Variants in NDUFAF6 observed in about 807,000 individuals in gnomAD.
The protein encoded by NDUFAF6 is NADH dehydrogenase (ubiquinone) complex I, assembly factor 6.
In NDUFAF6, 45 loss-of-function variants were observed where a neutral mutation model predicts 40.8. That is an observed-to-expected ratio of 1.10 (90% CI 0.87 to 1.42). The LOEUF is 1.42. NDUFAF6 is among the 40% of genes most tolerant of loss of function. The pLI, the probability that NDUFAF6 is intolerant of heterozygous loss-of-function variation, is 0.00. For synonymous variants in NDUFAF6, 185 were observed against 155.9 expected (o/e 1.19, Z -1.39); for missense variants, 435 against 418.5 (o/e 1.04, Z -0.34).
chr8:95,088,727 GTTT>G (rs1322422319), intron 2 of NDUFAF6, among the ~76,000 whole-genome samples: 4,714 of 109,082 alleles, frequency 0.043, 127 homozygotes, highest in Admixed American at 0.11. Flanking sequence ...GTGTGTGTGT[GTTT>G]TCTTTTTGTT....
chr8:94,955,041 T>C (rs896969897), upstream of NDUFAF6, among the ~76,000 whole-genome samples: 5 of 152,176 alleles, frequency 3.3e-5, no homozygotes, highest in African/African-American at 1.2e-4. Flanking sequence ...TGCTCTGGAA[T>C]GGGGACAGTT....
At chr8:94,921,998 TTTTTTG>T (rs1039988688) in intron 1 of NDUFAF6, among the ~76,000 whole-genome samples, 2 of 152,010 alleles carry the variant, frequency 1.3e-5, no homozygotes, top group African/African-American at 4.8e-5. Flanking sequence ...CAATCCGTGT[TTTTTTG>T]TTTTTTTCTT....
At chr8:95,085,440 A>C (rs1256716918) in intron 2 of NDUFAF6, 1 of 152,244 alleles carries the variant, frequency 6.6e-6, no homozygotes, top group Non-Finnish European at 1.5e-5. Flanking sequence ...GGTCATAGAA[A>C]ACCTCAGCCA....
In NDUFAF6 at chr8:95,047,508, CTTTTT is replaced by C. The variant is rs373655223; in HGVS notation, c.714+396_714+400del. ...TGAGGACTTTGTTTTCTTTTCTTTT[CTTTTT>C]TTTTTTTTTTTTTTGAGACAAAGTC... On this transcript the variant is annotated intron_variant, in intron 6 of 8. Coordinates refer to ENST00000396124, the MANE Select transcript of NDUFAF6 (RefSeq NM_152416.4). Among the ~76,000 whole-genome samples, 25 of 126,420 alleles carry C rather than the reference CTTTTT, an allele frequency of 2.0e-4. No homozygotes were observed. The East Asian group carries it at 2.6e-3, about 13-fold the overall frequency. 82.9% of individuals were successfully genotyped at this position (126,420 alleles called of 152,430 possible). A position where few individuals can be genotyped will look rare whatever the true frequency, so the allele number is the denominator to read the frequency against.
intron 2 of NDUFAF6, among the ~76,000 whole-genome samples, chr8:94,947,525 T>C (rs1490229967): frequency 1.3e-5 from 2 of 152,158 alleles, no homozygotes; most frequent in African/African-American, 4.8e-5. Context: ...TCTCTGCTTG[T>C]TCCACTTATA....
intron 1 of NDUFAF6, among the ~76,000 whole-genome samples, chr8:94,931,388 C>T (rs1267655307): frequency 3.3e-5 from 5 of 151,900 alleles, no homozygotes; most frequent in Non-Finnish European, 5.9e-5. Flanking sequence ...CAATATAAGA[C>T]TCTTGAATAA....
chr8:95,016,893 C>T (rs1007734435), intron 2 of NDUFAF6, among the ~76,000 whole-genome samples: 3 of 150,968 alleles, frequency 2.0e-5, no homozygotes, highest in African/African-American at 7.3e-5. Context: ...CATCTGGTGC[C>T]TCCTCCTCCT....
rs71569104 is a variant in NDUFAF6 at position 94,964,428 on chromosome 8, C to CAAA, written c.-199+6266_-199+6268dup. Among the ~76,000 whole-genome samples, 122 of 68,962 alleles carry CAAA rather than the reference C, an allele frequency of 1.8e-3. 1 individual carries two copies. Among genetic ancestry groups the CAAA allele is most frequent in the East Asian group, 3.7e-3 (8 of 2,152 alleles). The allele number at this position is 68,962 out of a possible 152,430, so 45.2% of individuals were successfully genotyped here. A position where few individuals can be genotyped will look rare whatever the true frequency, so the allele number is the denominator to read the frequency against. On this transcript the variant is annotated intron_variant, in intron 1 of 9. Coordinates refer to the NDUFAF6 transcript ENST00000396111. ...TGGGCAACAGAGAGAGACCCTGTCT[C>CAAA]AAAAAAAAAAAAAAAAAAAGGAGGA...
At chr8:95,102,658 G>A (rs377017890) in intron 2 of NDUFAF6, among the ~76,000 whole-genome samples, 2 of 152,170 alleles carry the variant, frequency 1.3e-5, no homozygotes, top group Admixed American at 6.5e-5. Flanking sequence ...ATGGGTACCT[G>A]AGGGAGGTGC....
chr8:94,914,516 TAGTC>T (rs1321687161), intron 1 of NDUFAF6, among the ~76,000 whole-genome samples: 1 of 152,206 alleles, frequency 6.6e-6, no homozygotes, highest in African/African-American at 2.4e-5. Context: ...CACCCCAGAA[TAGTC>T]AGCCAGTTCC....
chr8:95,036,556 A>G (rs750152425), intron 3 of NDUFAF6: 15 of 1,219,618 alleles, frequency 1.2e-5, no homozygotes, highest in Non-Finnish European at 1.6e-5. Context: ...AACCTAGGTG[A>G]CTCACTAAAA....
intron 1 of NDUFAF6, among the ~76,000 whole-genome samples, chr8:94,924,529 A>G (rs1443727487): frequency 6.6e-6 from 1 of 152,226 alleles, no homozygotes; most frequent in East Asian, 1.9e-4. Flanking sequence ...AAGGAGCAAG[A>G]TAATCTTAGG....
intron 2 of NDUFAF6, among the ~76,000 whole-genome samples, chr8:94,982,961 A>G (rs1371458282): frequency 6.6e-6 from 1 of 152,232 alleles, no homozygotes; most frequent in African/African-American, 2.4e-5. Flanking sequence ...GCCCTGGAAC[A>G]TGGTAGTCCT....
chr8:95,045,598 T>G lies in NDUFAF6; in HGVS notation c.531T>G (p.Tyr177Ter). 4 of 1,613,596 alleles carry G rather than the reference T, an allele frequency of 2.5e-6. No homozygotes were observed. Among genetic ancestry groups the G allele is most frequent in the Non-Finnish European group, 3.4e-6 (4 of 1,179,724 alleles). Residue 177 changes from tyrosine to a stop codon, truncating the protein, a stop_gained, in exon 5 of 9, where the codon TAT becomes TAG. Transcript: ENST00000396124. LOFTEE classifies it high-confidence loss of function. The part of the protein sequence containing the change: ...AYRNIKELEN[Y>*]AENTQSSLLY... The stretch of plus-strand genomic sequence containing the variant: ...GTAATATCAAGGAACTGGAAAATTA[T>G]GCTGAAAACACACAGAGCTCTCTTC...
intron 8 of NDUFAF6, 96 bp from the exon 9 acceptor site, chr8:95,057,713 T>A: frequency 1.0e-6 from 1 of 976,382 alleles, no homozygotes; most frequent in Non-Finnish European, 1.5e-6. Flanking sequence ...GAAACTAAAA[T>A]AGCCTAAATA....
At chr8:95,024,501 A>C (rs1028193969), upstream of NDUFAF6, among the ~76,000 whole-genome samples, 5 of 152,236 alleles carry the variant, frequency 3.3e-5, no homozygotes, top group Admixed American at 2.0e-4. Context: ...CGACATTTCC[A>C]GAGGCCTTTG....
chr8:94,991,382 G>C (rs1008478944), intron 2 of NDUFAF6, among the ~76,000 whole-genome samples: 1 of 152,204 alleles, frequency 6.6e-6, no homozygotes, highest in Non-Finnish European at 1.5e-5. Flanking sequence ...ATGCTGCAGC[G>C]TGAACTCTGG....
intron 7 of NDUFAF6, among the ~76,000 whole-genome samples, chr8:95,050,786 T>G (rs1040105410): frequency 2.0e-5 from 3 of 152,170 alleles, no homozygotes; most frequent in South Asian, 2.1e-4. Flanking sequence ...GATGTTTATG[T>G]GTATATACAT....
Position 95,058,436 on chromosome 8 carries a change from T to A in NDUFAF6, c.*499T>A. On this transcript the variant is annotated 3_prime_UTR_variant, in exon 9 of 9. Transcript: ENST00000396124. ...GGAATATCAGTCACGTGTTGTGGGC[T>A]TTTATCCTTAACGTTTAATTTTTAC... 8.1e-7 allele frequency: 1 copy of A among 1,231,702 alleles called. No homozygotes were observed. Among genetic ancestry groups the A allele is most frequent in the Non-Finnish European group, 1.0e-6 (1 of 988,038 alleles). 76.3% of individuals were successfully genotyped at this position (1,231,702 alleles called of 1,614,324 possible).
Sources: gnomAD v4.1 joint callset for allele counts (sites outside exome capture counted in the v4.1 genomes callset) on GRCh38, gnomAD v4.1.1 for gene constraint, MANE v1.5 for transcripts, NCBI Gene and HGNC (gene_info 2026-07-23, HGNC 2026-07-21) for gene names.